Variants in AFAP1L1 observed in about 807,000 individuals in gnomAD.
AFAP1L1 encodes actin filament-associated protein 1-like 1.
Under a neutral mutation model 99.8 loss-of-function variants are expected in AFAP1L1, and 77 were observed. The ratio of observed to expected loss-of-function variants is 0.77; its 90% CI spans 0.64 to 0.93. The LOEUF (loss-of-function observed/expected upper bound fraction) is 0.93, where lower values mean the gene tolerates loss of function less well. Ranked by LOEUF, AFAP1L1 falls within the 40% of genes least tolerant of loss-of-function variation. The pLI, the probability that AFAP1L1 is intolerant of heterozygous loss-of-function variation, is 0.00. For synonymous variants in AFAP1L1, 373 were observed against 395.3 expected, an observed-to-expected ratio of 0.94 and a Z score of 0.67; for missense variants, 893 against 996.8, an observed-to-expected ratio of 0.90 and a Z score of 1.40.
At chr5:149,339,895 A>G (rs1239155720) in intron 18 of AFAP1L1, 112 bp from the exon 19 acceptor site, 11 of 1,175,316 alleles carry the variant, frequency 9.4e-6, no homozygotes, top group African/African-American at 3.1e-5. Context: ...TTAGAACCCA[A>G]CGCAACCTGG....
intron 1 of AFAP1L1, among the ~76,000 whole-genome samples, chr5:149,298,318 T>G (rs775905745): frequency 3.3e-5 from 5 of 152,096 alleles, no homozygotes; most frequent in Non-Finnish European, 5.9e-5. Context: ...ATCTAAAAGG[T>G]AGGGGTGATC....
intron 9 of AFAP1L1, among the ~76,000 whole-genome samples, chr5:149,313,585 C>T (rs1373593645): frequency 1.3e-5 from 2 of 150,988 alleles, no homozygotes; most frequent in African/African-American, 5.0e-5. Context: ...TCCTGAGCAC[C>T]TGCTTGACAC....
chr5:149,303,101 A>G (rs75968042), intron 5 of AFAP1L1, among the ~76,000 whole-genome samples: 3,293 of 152,364 alleles, frequency 0.022, 105 homozygotes, highest in Admixed American at 0.089. Context: ...CTTCTATTTA[A>G]TTCAACATAT....
chr5:149,281,791 G>T (rs1206669453), intron 1 of AFAP1L1, among the ~76,000 whole-genome samples: 1 of 152,194 alleles, frequency 6.6e-6, no homozygotes, highest in Admixed American at 6.5e-5. Flanking sequence ...CGAGGGACTT[G>T]CTAGTTAAGA....
intron 4 of AFAP1L1, 71 bp from the exon 5 acceptor site, chr5:149,302,347 C>G: frequency 8.8e-7 from 1 of 1,131,598 alleles, no homozygotes; most frequent in Non-Finnish European, 1.2e-6. Flanking sequence ...GAGCTCCTGC[C>G]TCCCTCTCCC....
At chr5:149,297,690 G>A (rs1756060623) in intron 1 of AFAP1L1, among the ~76,000 whole-genome samples, 1 of 152,116 alleles carries the variant, frequency 6.6e-6, no homozygotes, top group African/African-American at 2.4e-5. Context: ...TTTAAAAGAA[G>A]GTCCTAGTGT....
intron 8 of AFAP1L1, among the ~76,000 whole-genome samples, chr5:149,311,010 G>A (rs1756613496): frequency 6.6e-6 from 1 of 152,194 alleles, no homozygotes; most frequent in African/African-American, 2.4e-5. Context: ...CAGGCAGTGA[G>A]TGTGTGGTAA....
chr5:149,294,697 G>A (rs1755965073), intron 1 of AFAP1L1, among the ~76,000 whole-genome samples: 1 of 152,186 alleles, frequency 6.6e-6, no homozygotes, highest in Admixed American at 6.5e-5. Context: ...CAGCCTCACG[G>A]TGAGGGTTTC....
At chr5:149,310,235 G>C in intron 8 of AFAP1L1, 100 bp downstream of exon 8, 1 of 1,410,868 alleles carries the variant, frequency 7.1e-7, no homozygotes, top group Non-Finnish European at 9.4e-7. Flanking sequence ...AGAGCCTCTT[G>C]CTCAGTGCCT....
chr5:149,274,760 T>G (rs1755256853), intron 1 of AFAP1L1, among the ~76,000 whole-genome samples: 1 of 151,682 alleles, frequency 6.6e-6, no homozygotes, highest in South Asian at 2.1e-4. Flanking sequence ...GCGCCTGTAA[T>G]CCCAGCTACT....
Position 149,340,039 on chromosome 5 carries a change from TGAG to T in AFAP1L1, c.*12_*14del, listed in dbSNP as rs1757519905. On this transcript the variant is annotated 3_prime_UTR_variant, in exon 19 of 19. Transcript: ENST00000296721. ...AAATGAAGAAGACCTAGGAAGAGGATGAGGATTTCATTCCAAAGGAAATACCAG... is the reference window on the plus strand; with the variant it reads ...AAATGAAGAAGACCTAGGAAGAGGATGATTTCATTCCAAAGGAAATACCAG... The T allele has an allele frequency of 1.2e-6, 2 of 1,613,954 alleles. No individual in the cohort carries two copies. Among genetic ancestry groups the T allele is most frequent in the East Asian group, 4.5e-5 (2 of 44,876 alleles).
chr5:149,299,783 A>G lies in AFAP1L1; in HGVS notation c.145+146A>G, dbSNP rs1244504141. 9.2e-6 allele frequency: 12 copies of G among 1,311,162 alleles called. No homozygotes were observed. In the South Asian group the frequency reaches 1.8e-4, roughly 19 times the overall value. 81.2% of individuals were successfully genotyped at this position (1,311,162 alleles called of 1,614,324 possible). Reference sequence around the variant, plus strand: ...AGGAGGAAGGCTAAGCCCTGGACACAGCGTCCAATGCATTCCATGCGAGCT... The same window carrying G: ...AGGAGGAAGGCTAAGCCCTGGACACGGCGTCCAATGCATTCCATGCGAGCT... On this transcript the variant is annotated intron_variant, in intron 2 of 18. Coordinates refer to ENST00000296721, the MANE Select transcript of AFAP1L1 (RefSeq NM_152406.4).
intron 9 of AFAP1L1, among the ~76,000 whole-genome samples, chr5:149,314,141 G>A (rs1756724217): frequency 6.6e-6 from 1 of 152,232 alleles, no homozygotes; most frequent in African/African-American, 2.4e-5. Flanking sequence ...AAAGGTATGG[G>A]ATGAGGCAGA....
chr5:149,284,027 A>G (rs1453340055), intron 1 of AFAP1L1, among the ~76,000 whole-genome samples: 5 of 152,370 alleles, frequency 3.3e-5, no homozygotes, highest in Middle Eastern at 3.4e-3. Flanking sequence ...AAGGACCAGA[A>G]GTTTCAAGGG....
At chr5:149,298,151 G>A (rs1334887789) in intron 1 of AFAP1L1, among the ~76,000 whole-genome samples, 1 of 152,164 alleles carries the variant, frequency 6.6e-6, no homozygotes, top group African/African-American at 2.4e-5. Context: ...AGGCCCTGCA[G>A]CTCCGGGTCA....
chr5:149,271,871 C>G lies in AFAP1L1; in HGVS notation c.-98C>G. Reference sequence around the variant, plus strand: ...GGGAGGGGACCGCAGAGAGCGCCGGCCGCTGGGCTGGCCTGAGAGCGCAGC... The same window carrying G: ...GGGAGGGGACCGCAGAGAGCGCCGGGCGCTGGGCTGGCCTGAGAGCGCAGC... On this transcript the variant is annotated 5_prime_UTR_variant, in exon 1 of 19. Coordinates refer to ENST00000296721, the MANE Select transcript of AFAP1L1 (RefSeq NM_152406.4). 1.0e-6 allele frequency: 1 copy of G among 967,160 alleles called. No homozygotes were observed. Among genetic ancestry groups the G allele is most frequent in the Non-Finnish European group, 1.3e-6 (1 of 763,934 alleles). 59.9% of individuals were successfully genotyped at this position (967,160 alleles called of 1,614,324 possible). A position where few individuals can be genotyped will look rare whatever the true frequency, so the allele number is the denominator to read the frequency against.
intron 1 of AFAP1L1, among the ~76,000 whole-genome samples, chr5:149,297,164 A>G (rs893490657): frequency 6.6e-6 from 1 of 152,256 alleles, no homozygotes; most frequent in Admixed American, 6.5e-5. Context: ...CCTTGAAAAC[A>G]GCTAAAGTTT....
chr5:149,331,298 T>A (rs537412241), intron 16 of AFAP1L1, among the ~76,000 whole-genome samples: 43 of 152,186 alleles, frequency 2.8e-4, no homozygotes, highest in East Asian at 1.2e-3. Flanking sequence ...GAAAATTTTT[T>A]AAAAATTTTT....
At position 149,331,432 on chromosome 5, in the gene AFAP1L1, A is replaced by G. The variant is rs530586330; in HGVS notation, c.1976-1263A>G. Among the ~76,000 whole-genome samples, 9 of 152,262 alleles carry G rather than the reference A, an allele frequency of 5.9e-5. No individual in the cohort carries two copies. In the South Asian group the frequency reaches 1.9e-3, roughly 32 times the overall value. ...TCAGGAGATCGAGACCATCCTGGCT[A>G]ACACGGTGAAACCCCGTCTCTATTA... On this transcript the variant is annotated intron_variant, in intron 16 of 18. Coordinates refer to ENST00000296721, the MANE Select transcript of AFAP1L1 (RefSeq NM_152406.4).
Sources: gnomAD v4.1 joint callset for allele counts (sites outside exome capture counted in the v4.1 genomes callset) on GRCh38, gnomAD v4.1.1 for gene constraint, MANE v1.5 for transcripts, NCBI Gene and HGNC (gene_info 2026-07-23, HGNC 2026-07-21) for gene names.